The following CSMD1 variants were observed in gnomAD, a reference collection of about 807,000 sequenced individuals.
The protein encoded by CSMD1 is CUB and Sushi multiple domains 1, also known as CUB and sushi domain-containing protein 1.
In CSMD1, 213 loss-of-function variants were observed where a neutral mutation model predicts 417.5. That is an observed-to-expected ratio of 0.51 (90% CI 0.46 to 0.57). The LOEUF (loss-of-function observed/expected upper bound fraction) is 0.57. CSMD1 is among the 20% of genes least tolerant of loss of function. The pLI, the probability that CSMD1 is intolerant of heterozygous loss-of-function variation, is 0.00. For missense variants in CSMD1, 6,923 were observed against 4,529.7 expected, an observed-to-expected ratio of 1.53 and a Z score of -15.17; for synonymous variants, 2,862 against 1,736.8, an observed-to-expected ratio of 1.65 and a Z score of -16.11.
At chr8:4,870,719 G>C (rs889541725) in intron 1 of CSMD1, among the ~76,000 whole-genome samples, 2 of 152,114 alleles carry the variant, frequency 1.3e-5, no homozygotes, top group African/African-American at 4.8e-5. Context: ...GCCAGCCTTT[G>C]CCTTCCAGAC....
chr8:4,103,902 C>T (rs1374374315), intron 3 of CSMD1, among the ~76,000 whole-genome samples: 1 of 152,186 alleles, frequency 6.6e-6, no homozygotes. Flanking sequence ...TCTCCAGGTT[C>T]CCAAGGCCAA....
At chr8:4,310,590 C>G (rs945743787) in intron 3 of CSMD1, among the ~76,000 whole-genome samples, 1 of 152,090 alleles carries the variant, frequency 6.6e-6, no homozygotes, top group Non-Finnish European at 1.5e-5. Flanking sequence ...GTTTTCATAG[C>G]TCTCGATGAT....
chr8:4,457,538 A>G (rs1410980943), intron 2 of CSMD1, among the ~76,000 whole-genome samples: 1 of 152,128 alleles, frequency 6.6e-6, no homozygotes, highest in Non-Finnish European at 1.5e-5. Flanking sequence ...AGAAAATTTC[A>G]ATTTTATACT....
intron 12 of CSMD1, among the ~76,000 whole-genome samples, chr8:3,449,861 G>A (rs183351679): frequency 3.3e-5 from 5 of 152,132 alleles, no homozygotes; most frequent in African/African-American, 1.2e-4. Context: ...AAAGTTTTAA[G>A]CCTCACGTTG....
intron 47 of CSMD1, among the ~76,000 whole-genome samples, chr8:3,096,593 C>A (rs1054164973): frequency 1.3e-5 from 2 of 152,116 alleles, no homozygotes; most frequent in African/African-American, 4.8e-5. Context: ...ATCTCTTTTT[C>A]TTCCTAGTCT....
chr8:4,648,444 G>A (rs976794978), intron 1 of CSMD1, among the ~76,000 whole-genome samples: 1 of 152,072 alleles, frequency 6.6e-6, no homozygotes, highest in African/African-American at 2.4e-5. Context: ...CACCACAAGG[G>A]CATGAAATAG....
At chr8:4,718,097 C>T (rs1483349741) in intron 1 of CSMD1, among the ~76,000 whole-genome samples, 4 of 152,142 alleles carry the variant, frequency 2.6e-5, no homozygotes, top group Non-Finnish European at 5.9e-5. Flanking sequence ...CCCACTTCCT[C>T]AAAGTACCTG....
At chr8:3,190,269 C>G (rs112609083) in intron 33 of CSMD1, among the ~76,000 whole-genome samples, 154 bp from the exon 34 acceptor site, 1 of 100,604 alleles carries the variant, frequency 9.9e-6, no homozygotes, top group African/African-American at 4.1e-5. Flanking sequence ...TGATTTGAGG[C>G]GCTGGGACCA....
chr8:3,051,364 T>G (rs191878615), intron 50 of CSMD1, among the ~76,000 whole-genome samples: 2 of 152,156 alleles, frequency 1.3e-5, no homozygotes, highest in Non-Finnish European at 2.9e-5. Context: ...AATAGCACAT[T>G]TTCTCTCCTG....
At chr8:3,405,935 A>G in intron 15 of CSMD1, 92 bp downstream of exon 15, 2 of 1,241,812 alleles carry the variant, frequency 1.6e-6, no homozygotes, top group East Asian at 4.8e-5. Flanking sequence ...GGGCAGCCCT[A>G]GCAAGCTAAC....
chr8:3,460,460 T>A (rs1816426287), intron 12 of CSMD1, among the ~76,000 whole-genome samples: 2 of 152,124 alleles, frequency 1.3e-5, no homozygotes, highest in East Asian at 3.9e-4. Context: ...ACACTCTCTA[T>A]GTTCATTTTT....
At chr8:4,846,789 A>T (rs747136754) in intron 1 of CSMD1, among the ~76,000 whole-genome samples, 3 of 152,230 alleles carry the variant, frequency 2.0e-5, no homozygotes, top group African/African-American at 7.2e-5. Flanking sequence ...TAGAAAGTAA[A>T]TTAGACAGCA....
intron 3 of CSMD1, among the ~76,000 whole-genome samples, chr8:4,228,207 G>A (rs1801479583): frequency 6.6e-6 from 1 of 152,116 alleles, no homozygotes; most frequent in South Asian, 2.1e-4. Flanking sequence ...AGGTTTCCTT[G>A]GCTGCTGTAT....
chr8:3,834,525 C>A (rs147488499), intron 5 of CSMD1, among the ~76,000 whole-genome samples: 60 of 152,318 alleles, frequency 3.9e-4, no homozygotes, highest in African/African-American at 1.4e-3. Context: ...GTAGAAGCTG[C>A]ACTGTGCGTC....
At chr8:4,114,684 G>T (rs143805642) in intron 3 of CSMD1, among the ~76,000 whole-genome samples, 2 of 152,294 alleles carry the variant, frequency 1.3e-5, no homozygotes, top group East Asian at 3.9e-4. Flanking sequence ...TGTGCTTCAT[G>T]GGAGGAGGTC....
At chr8:3,796,427 G>GATATAGAT (rs1800147172) in intron 5 of CSMD1, among the ~76,000 whole-genome samples, 1 of 96,888 alleles carries the variant, frequency 1.0e-5, no homozygotes, top group South Asian at 3.5e-4. Flanking sequence ...ATCATGTATA[G>GATATAGAT]ATATATATAT....
chr8:4,080,723 A>G (rs1800085414), intron 3 of CSMD1, among the ~76,000 whole-genome samples: 1 of 152,218 alleles, frequency 6.6e-6, no homozygotes, highest in Non-Finnish European at 1.5e-5. Flanking sequence ...TTTCTGCCAT[A>G]GGAGAGAAAA....
intron 3 of CSMD1, among the ~76,000 whole-genome samples, chr8:4,343,317 A>T (rs1411689217): frequency 1.3e-5 from 2 of 152,106 alleles, no homozygotes; most frequent in Non-Finnish European, 2.9e-5. Context: ...ACAAAATTTT[A>T]GTAAGAGAAT....
At chr8:4,949,981 T>G (rs1183160933) in intron 1 of CSMD1, among the ~76,000 whole-genome samples, 3 of 152,166 alleles carry the variant, frequency 2.0e-5, no homozygotes, top group African/African-American at 7.2e-5. Flanking sequence ...CAAATGTTTT[T>G]TATCTAATTG....
Sources: allele counts gnomAD v4.1 joint callset (sites outside exome capture counted in the v4.1 genomes callset), GRCh38; gene constraint gnomAD v4.1.1; transcripts MANE v1.5; gene names NCBI Gene and HGNC (gene_info 2026-07-23, HGNC 2026-07-21).